The following RBFOX1 variants were observed in gnomAD, a reference collection of about 807,000 sequenced individuals.
RBFOX1 encodes the protein RNA binding protein fox-1 homolog 1.
Under a neutral mutation model 57.7 loss-of-function variants are expected in RBFOX1, and 8 were observed. That is an observed-to-expected ratio of 0.14 (90% CI 0.08 to 0.25). The LOEUF is 0.25. Ranked by LOEUF, RBFOX1 falls within the 10% of genes least tolerant of loss-of-function variation. RBFOX1 has a pLI of 1.00. For synonymous variants in RBFOX1, 326 were observed against 222.4 expected, an observed-to-expected ratio of 1.47 and a Z score of -4.15; for missense variants, 611 against 548.5, an observed-to-expected ratio of 1.11 and a Z score of -1.14.
intron 4 of RBFOX1, among the ~76,000 whole-genome samples, chr16:7,469,226 AT>A (rs56313692): frequency 2.7e-5 from 4 of 150,234 alleles, no homozygotes; most frequent in Non-Finnish European, 4.4e-5. Context: ...GAGCCACCTA[AT>A]TTTTTTTTTA....
intron 9 of RBFOX1, among the ~76,000 whole-genome samples, chr16:7,604,254 G>C (rs2095188019): frequency 6.6e-6 from 1 of 152,190 alleles, no homozygotes; most frequent in Admixed American, 6.5e-5. Flanking sequence ...TCCCATCGCA[G>C]AGTTCAGAAA....
intron 2 of RBFOX1, among the ~76,000 whole-genome samples, chr16:5,555,224 T>C (rs897946795): frequency 2.0e-5 from 3 of 152,148 alleles, no homozygotes; most frequent in Admixed American, 6.5e-5. Flanking sequence ...GCAAAAGTAA[T>C]TGCGGTTTTT....
chr16:6,024,763 C>T (rs373211157), intron 1 of RBFOX1, among the ~76,000 whole-genome samples: 4 of 152,234 alleles, frequency 2.6e-5, no homozygotes, highest in East Asian at 1.9e-4. Flanking sequence ...GGATTACAGG[C>T]GTGAGCCACC....
rs774713507 is a variant in RBFOX1 at position 7,518,300 on chromosome 16, C to T, written c.181C>T (p.His61Tyr). 1.2e-6 allele frequency: 2 copies of T among 1,614,162 alleles called. No individual in the cohort carries two copies. The highest frequency in any genetic ancestry group is 1.1e-5 in the South Asian group (1 of 91,082). The change falls in exon 5 of 16, where the codon CAC (histidine) becomes TAC (tyrosine). Residue 61 changes from histidine (H) to tyrosine (Y), a missense_variant. Around this residue, in one of 3 missense-constraint regions of RBFOX1, gnomAD observed 245 missense variants for 159.1 expected, o/e 1.54. Transcript: ENST00000550418. Reference protein sequence around the residue: ...EYTGQTTVPEHTLNLYPPAQT... With the variant: ...EYTGQTTVPEYTLNLYPPAQT... Reference sequence around the variant, plus strand: ...CACAGGCCAGACCACGGTTCCCGAGCACACATTAAACCTGTACCCTCCCGC... The same window carrying T: ...CACAGGCCAGACCACGGTTCCCGAGTACACATTAAACCTGTACCCTCCCGC...
At chr16:5,243,979 C>T (rs1293005164) in intron 1 of RBFOX1, among the ~76,000 whole-genome samples, 2 of 152,090 alleles carry the variant, frequency 1.3e-5, no homozygotes, top group Admixed American at 1.3e-4. Flanking sequence ...TCACTGCAAC[C>T]TCCACCTCCT....
chr16:7,070,819 G>C, intron 4 of RBFOX1, among the ~76,000 whole-genome samples: 1 of 152,152 alleles, frequency 6.6e-6, no homozygotes, highest in African/African-American at 2.4e-5. Flanking sequence ...GTGCGGATTG[G>C]GAAACTGGAA....
intron 3 of RBFOX1, among the ~76,000 whole-genome samples, chr16:5,718,241 A>G (rs781273140): frequency 1.3e-5 from 2 of 152,230 alleles, no homozygotes; most frequent in Non-Finnish European, 2.9e-5. Flanking sequence ...CAAATCAAGT[A>G]CATTTATTAA....
chr16:7,564,496 G>A (rs1001705055), intron 5 of RBFOX1, among the ~76,000 whole-genome samples: 3 of 129,520 alleles, frequency 2.3e-5, no homozygotes, highest in Non-Finnish European at 4.6e-5. Flanking sequence ...AGCCGAGATT[G>A]CACCTCTGCA....
At chr16:6,755,222 T>C (rs1256570957) in intron 3 of RBFOX1, among the ~76,000 whole-genome samples, 3 of 152,228 alleles carry the variant, frequency 2.0e-5, no homozygotes, top group African/African-American at 4.8e-5. Context: ...GTATACCCAG[T>C]AATGGGATGG....
chr16:6,843,338 C>T (rs2093590744), intron 3 of RBFOX1, among the ~76,000 whole-genome samples: 1 of 151,400 alleles, frequency 6.6e-6, no homozygotes, highest in Non-Finnish European at 1.5e-5. Flanking sequence ...AACACATATT[C>T]CAGGGAGGAA....
chr16:6,497,768 G>T (rs987782368), intron 2 of RBFOX1, among the ~76,000 whole-genome samples: 1 of 151,840 alleles, frequency 6.6e-6, no homozygotes, highest in Admixed American at 6.6e-5. Flanking sequence ...TATTAGCCAG[G>T]CTGACCTCGA....
intron 3 of RBFOX1, chr16:5,611,307 C>G (rs7206307): frequency 0.035 from 5,336 of 152,272 alleles, 206 homozygotes; most frequent in African/African-American, 0.085. Context: ...AAGTGTCGAT[C>G]ACTCTGTATT....
At chr16:6,707,485 T>TTG (rs917006885) in intron 3 of RBFOX1, among the ~76,000 whole-genome samples, 2 of 151,372 alleles carry the variant, frequency 1.3e-5, no homozygotes, top group African/African-American at 4.9e-5. Context: ...TTTGTTTTTT[T>TTG]TTTTTTTTTG....
chr16:5,894,748 G>C (rs1484475173), intron 4 of RBFOX1, among the ~76,000 whole-genome samples: 2 of 152,138 alleles, frequency 1.3e-5, no homozygotes, highest in African/African-American at 2.4e-5. Context: ...AGGGCCAGGC[G>C]TGGTGGCTCA....
chr16:5,477,960 G>C (rs1393682940), intron 2 of RBFOX1, among the ~76,000 whole-genome samples: 2 of 152,114 alleles, frequency 1.3e-5, no homozygotes, highest in African/African-American at 4.8e-5. Flanking sequence ...TTCTCATTAC[G>C]CATCACCGTG....
intron 1 of RBFOX1, among the ~76,000 whole-genome samples, chr16:6,254,309 A>G (rs1335252459): frequency 2.0e-5 from 3 of 152,220 alleles, no homozygotes; most frequent in Admixed American, 6.5e-5. Context: ...TTGTTTATCA[A>G]CAATATAAAT....
intron 3 of RBFOX1, chr16:6,704,382 C>T (rs760504672): frequency 6.6e-6 from 1 of 152,232 alleles, no homozygotes; most frequent in Admixed American, 6.5e-5. Context: ...CAAACCTAGA[C>T]AAACATGAGG....
chr16:7,513,062 G>A (rs73484423), intron 4 of RBFOX1, among the ~76,000 whole-genome samples: 1,758 of 118,024 alleles, frequency 0.015, 41 homozygotes, highest in African/African-American at 0.05. Context: ...CCAGCAGTTC[G>A]GGACCAGCCT....
chr16:5,851,207 C>T (rs545002284), intron 3 of RBFOX1, among the ~76,000 whole-genome samples: 4 of 152,278 alleles, frequency 2.6e-5, no homozygotes, highest in African/African-American at 7.2e-5. Flanking sequence ...CATGGTTGTA[C>T]CTTGTATTCC....
Sources: gnomAD v4.1 joint callset for allele counts (sites outside exome capture counted in the v4.1 genomes callset) on GRCh38, gnomAD v4.1.1 for gene constraint, gnomAD v4.1.1 regional missense constraint, MANE v1.5 for transcripts, NCBI Gene and HGNC (gene_info 2026-07-23, HGNC 2026-07-21) for gene names.